Variants in ANO4 observed in about 807,000 individuals in gnomAD.
ANO4 encodes anoctamin 4, also known as anoctamin-4.
Under a neutral mutation model 141.9 loss-of-function variants are expected in ANO4, and 69 were observed. That is an observed-to-expected ratio of 0.49 (90% confidence interval 0.40 to 0.59). The LOEUF is 0.59. ANO4 is among the 20% of genes least tolerant of loss of function. The probability of loss-of-function intolerance (pLI) is 0.00; values close to 1 mark genes in which losing one functional copy is unlikely to be tolerated. For missense variants in ANO4, 894 were observed against 1,162.2 expected, an observed-to-expected ratio of 0.77 and a Z score of 3.36; for synonymous variants, 350 against 394.3, an observed-to-expected ratio of 0.89 and a Z score of 1.33.
In ANO4 at chr12:101,128,623, C is replaced by A. The variant is rs1426223299; in HGVS notation, c.*767C>A. 1 of 152,562 alleles carries A rather than the reference C, an allele frequency of 6.6e-6. No individual in the cohort carries two copies. The highest frequency in any genetic ancestry group is 6.5e-5 in the Admixed American group (1 of 15,276). 9.5% of individuals were successfully genotyped at this position (152,562 alleles called of 1,614,324 possible). On this transcript the variant is annotated 3_prime_UTR_variant, in exon 28 of 28. Transcript: ENST00000392977. Reference sequence around the variant, plus strand: ...ATAAAATTTAAAATAAATTTCTGCACATGGAATATTTTCAGCTGGCTCTTC... The same window carrying A: ...ATAAAATTTAAAATAAATTTCTGCAAATGGAATATTTTCAGCTGGCTCTTC...
chr12:100,803,944 T>C (rs528708417), intron 1 of ANO4, among the ~76,000 whole-genome samples: 123 of 146,880 alleles, frequency 8.4e-4, no homozygotes, highest in African/African-American at 3.0e-3. Context: ...TTAGCAGAGC[T>C]TTTTTTTTTT....
intron 1 of ANO4, among the ~76,000 whole-genome samples, chr12:100,839,394 TAAAG>T (rs1456364121): frequency 3.9e-5 from 6 of 152,140 alleles, no homozygotes; most frequent in African/African-American, 9.7e-5. Context: ...CAACTGCAAA[TAAAG>T]AAAGTTTAGG....
At chr12:100,863,049 C>G (rs747741022) in intron 1 of ANO4, among the ~76,000 whole-genome samples, 2 of 152,224 alleles carry the variant, frequency 1.3e-5, no homozygotes, top group African/African-American at 4.8e-5. Context: ...AAGAAAGCCA[C>G]GAGCACATGG....
intron 3 of ANO4, among the ~76,000 whole-genome samples, chr12:100,762,714 C>T (rs2032920832): frequency 6.6e-6 from 1 of 152,124 alleles, no homozygotes; most frequent in South Asian, 2.1e-4. Flanking sequence ...CAATTTCTCT[C>T]TGGATCAGGC....
chr12:100,987,756 A>G (rs2044777534), intron 8 of ANO4, 86 bp downstream of exon 8: 9 of 1,545,862 alleles, frequency 5.8e-6, no homozygotes, highest in Middle Eastern at 4.1e-4. Context: ...ATTCCTGGGC[A>G]TGAGGAAGGA....
At chr12:101,029,985 T>G (rs940132835) in intron 9 of ANO4, among the ~76,000 whole-genome samples, 2 of 149,234 alleles carry the variant, frequency 1.3e-5, no homozygotes, top group African/African-American at 4.9e-5. Flanking sequence ...TAAAACAAGT[T>G]CTTAGAGACC....
chr12:101,086,652 C>A lies in ANO4; in HGVS notation c.1537-8C>A. On this transcript the variant is annotated splice_region_variant and splice_polypyrimidine_tract_variant and intron_variant, in intron 16 of 27. Transcript: ENST00000392977. ...AGAGGTTCACCGGGTGTCTTGTCTT[C>A]CTGCCAGATCTGCGTGGTGATTGCT... 1 of 1,613,184 alleles carries A rather than the reference C, an allele frequency of 6.2e-7. No homozygotes were observed. Among genetic ancestry groups the A allele is most frequent in the Non-Finnish European group, 8.5e-7 (1 of 1,179,610 alleles).
chr12:100,891,280 C>T (rs1190362246), intron 1 of ANO4, among the ~76,000 whole-genome samples: 1 of 152,210 alleles, frequency 6.6e-6, no homozygotes, highest in Non-Finnish European at 1.5e-5. Context: ...CTGCTGTAAA[C>T]ATTCATGCGC....
At chr12:100,982,237 G>A (rs568001921) in intron 7 of ANO4, among the ~76,000 whole-genome samples, 2 of 151,812 alleles carry the variant, frequency 1.3e-5, no homozygotes, top group South Asian at 4.2e-4. Context: ...AGCAAAAATG[G>A]AACAAAGTGA....
intron 7 of ANO4, among the ~76,000 whole-genome samples, chr12:100,982,256 C>G (rs541666111): frequency 2.0e-5 from 3 of 152,108 alleles, no homozygotes; most frequent in Non-Finnish European, 4.4e-5. Flanking sequence ...GACAACATAC[C>G]CAACCAAAAT....
In ANO4 at chr12:101,042,585, C is replaced by G. The variant is rs17030920; in HGVS notation, c.1154+117C>G. 590 of 1,386,142 alleles carry G rather than the reference C, an allele frequency of 4.3e-4. 2 individuals carry two copies. In the African/African-American group the frequency reaches 7.6e-3, roughly 18 times the overall value. The allele number at this position is 1,386,142 out of a possible 1,614,324, so 85.9% of individuals were successfully genotyped here. On this transcript the variant is annotated intron_variant, in intron 12 of 27. Transcript: ENST00000392977. ...TAGCTTTTCACTCAAACTTCCTACC[C>G]TCTCATGGAAAAACTCAAAGTTTCA...
At chr12:100,738,021 A>G (rs529111978) in intron 2 of ANO4, among the ~76,000 whole-genome samples, 1 of 152,320 alleles carries the variant, frequency 6.6e-6, no homozygotes, top group African/African-American at 2.4e-5. Flanking sequence ...TATCCATGAG[A>G]TACTCGATTA....
intron 5 of ANO4, among the ~76,000 whole-genome samples, chr12:100,970,957 G>T (rs1312446545): frequency 6.6e-6 from 1 of 152,130 alleles, no homozygotes; most frequent in Non-Finnish European, 1.5e-5. Context: ...GACCTCAGGT[G>T]ATCTGCCTCA....
At chr12:100,961,241 C>A (rs2043405747) in intron 5 of ANO4, among the ~76,000 whole-genome samples, 1 of 152,104 alleles carries the variant, frequency 6.6e-6, no homozygotes, top group South Asian at 2.1e-4. Context: ...TGTTGTGAGG[C>A]AGATAAAACA....
chr12:100,908,221 T>C (rs1441708311), intron 2 of ANO4, among the ~76,000 whole-genome samples: 3 of 152,050 alleles, frequency 2.0e-5, no homozygotes, highest in Non-Finnish European at 4.4e-5. Flanking sequence ...TGGTGGTGCA[T>C]GCCTGTAATC....
chr12:100,913,143 T>G (rs2041188870), intron 2 of ANO4, among the ~76,000 whole-genome samples: 1 of 152,216 alleles, frequency 6.6e-6, no homozygotes, highest in Non-Finnish European at 1.5e-5. Context: ...GCTTTTCATT[T>G]TACTGAGGGA....
At chr12:100,759,232 C>T (rs1042639390) in intron 3 of ANO4, among the ~76,000 whole-genome samples, 2 of 152,170 alleles carry the variant, frequency 1.3e-5, no homozygotes, top group Non-Finnish European at 2.9e-5. Context: ...ATATTAGTCT[C>T]TCAATATGTG....
At chr12:101,052,904 G>A (rs1338220696) in intron 14 of ANO4, among the ~76,000 whole-genome samples, 1 of 152,174 alleles carries the variant, frequency 6.6e-6, no homozygotes, top group Non-Finnish European at 1.5e-5. Context: ...GAGAGGTTAT[G>A]CAACTTGCCC....
intron 24 of ANO4, among the ~76,000 whole-genome samples, chr12:101,112,933 A>G (rs920033585): frequency 6.6e-6 from 1 of 152,230 alleles, no homozygotes; most frequent in Non-Finnish European, 1.5e-5. Context: ...TTGCCCAGGC[A>G]TTTCTTTCTA....
Sources: gnomAD v4.1 joint callset for allele counts (sites outside exome capture counted in the v4.1 genomes callset) on GRCh38, gnomAD v4.1.1 for gene constraint, MANE v1.5 for transcripts, NCBI Gene and HGNC (gene_info 2026-07-23, HGNC 2026-07-21) for gene names.